The following CEP83 variants were observed in gnomAD, a reference collection of about 807,000 sequenced individuals.
CEP83 encodes the protein centrosomal protein 83.
In CEP83, 70 loss-of-function variants were observed where a neutral mutation model predicts 101.9. The observed-to-expected ratio is 0.69, with a 90% confidence interval of 0.57 to 0.84. The LOEUF (loss-of-function observed/expected upper bound fraction) is 0.84. CEP83 is among the 40% of genes least tolerant of loss of function. The pLI, the probability that CEP83 is intolerant of heterozygous loss-of-function variation, is 0.00. For synonymous variants in CEP83, 264 were observed against 267.9 expected, an observed-to-expected ratio of 0.99 and a Z score of 0.14; for missense variants, 715 against 787.2, an observed-to-expected ratio of 0.91 and a Z score of 1.10.
chr12:94,275,497 A>G, the CEP83 span, among the ~76,000 whole-genome samples: 101 of 152,302 alleles, frequency 6.6e-4, no homozygotes, highest in African/African-American at 2.4e-3. Context: ...GCACTTTCCC[A>G]GCCTGGGGGT....
chr12:94,302,677 G>T (rs1968582549), downstream of CEP83, among the ~76,000 whole-genome samples: 3 of 152,132 alleles, frequency 2.0e-5, no homozygotes, highest in Admixed American at 2.0e-4. Flanking sequence ...GTTCTGGGAG[G>T]TTACAAGTCT....
chr12:94,428,563 A>G (rs2065382002), intron 2 of CEP83, among the ~76,000 whole-genome samples: 1 of 152,238 alleles, frequency 6.6e-6, no homozygotes, highest in Non-Finnish European at 1.5e-5. Flanking sequence ...AGTTTAACTG[A>G]TATTTTACTG....
At chr12:94,441,482 C>T (rs1444119518) in intron 1 of CEP83, among the ~76,000 whole-genome samples, 2 of 152,204 alleles carry the variant, frequency 1.3e-5, no homozygotes, top group Admixed American at 6.5e-5. Flanking sequence ...CACCTTACTC[C>T]TGCAAGAATG....
chr12:94,284,063 A>T, the CEP83 span, among the ~76,000 whole-genome samples: 1 of 149,850 alleles, frequency 6.7e-6, no homozygotes. Context: ...AGCCTGTGCG[A>T]CAGAGCAAGA....
intron 7 of CEP83, among the ~76,000 whole-genome samples, chr12:94,376,745 A>AT (rs1321560351): frequency 1.0e-3 from 116 of 113,254 alleles, no homozygotes; most frequent in Admixed American, 2.5e-3. Context: ...ATATATATAT[A>AT]TATTTTTTTT....
At chr12:94,376,740 TA>T (rs757766381) in intron 7 of CEP83, among the ~76,000 whole-genome samples, 9,006 of 113,662 alleles carry the variant, frequency 0.079, 400 homozygotes, top group Admixed American at 0.13. Flanking sequence ...CACATATATA[TA>T]TATATATTTT....
the CEP83 span, among the ~76,000 whole-genome samples, chr12:94,271,842 T>G: frequency 6.6e-6 from 1 of 152,348 alleles, no homozygotes; most frequent in East Asian, 1.9e-4. Flanking sequence ...TGGTTGGTTA[T>G]TTATTGATGA....
chr12:94,447,422 T>C (rs946422150), intron 1 of CEP83, among the ~76,000 whole-genome samples: 1 of 152,108 alleles, frequency 6.6e-6, no homozygotes, highest in African/African-American at 2.4e-5. Context: ...GGAGGATTGC[T>C]TGAACTGGGT....
chr12:94,437,826 C>CA (rs770258386), intron 1 of CEP83, among the ~76,000 whole-genome samples: 3 of 151,716 alleles, frequency 2.0e-5, no homozygotes, highest in Non-Finnish European at 4.4e-5. Context: ...ACAATGCAAA[C>CA]AAAAAAAGGT....
At chr12:94,344,731 T>TA (rs2136670105) in intron 11 of CEP83, among the ~76,000 whole-genome samples, 1 of 152,276 alleles carries the variant, frequency 6.6e-6, no homozygotes, top group African/African-American at 2.4e-5. Flanking sequence ...TCAATATTGT[T>TA]AAGGTAACAA....
Position 94,309,911 on chromosome 12 carries a change from C to A in CEP83, c.2001+7G>T. On this transcript the variant is annotated splice_region_variant and intron_variant, in intron 16 of 16. Transcript: ENST00000397809. ...TTTTTTTTTCCCCCTAAAATAAATG[C>A]TCATACCTGCATATGAGGAGGAAAT... The A allele has an allele frequency of 1.3e-6, 2 of 1,523,188 alleles. No homozygotes were observed. Among genetic ancestry groups the A allele is most frequent in the Admixed American group, 2.0e-5 (1 of 50,506 alleles). 94.4% of individuals were successfully genotyped at this position (1,523,188 alleles called of 1,614,324 possible). A position where few individuals can be genotyped will look rare whatever the true frequency, so the allele number is the denominator to read the frequency against.
intron 4 of CEP83, among the ~76,000 whole-genome samples, chr12:94,405,908 C>G (rs1286131566): frequency 6.6e-6 from 1 of 152,130 alleles, no homozygotes; most frequent in Non-Finnish European, 1.5e-5. Context: ...TTGACTCATT[C>G]AGTAGAGTAC....
intron 2 of CEP83, among the ~76,000 whole-genome samples, chr12:94,425,814 T>C (rs1177539884): frequency 6.6e-6 from 1 of 152,126 alleles, no homozygotes; most frequent in African/African-American, 2.4e-5. Context: ...TTTTAATAGC[T>C]AATGTGTATA....
At chr12:94,317,844 A>T (rs1389909459) in intron 14 of CEP83, among the ~76,000 whole-genome samples, 1 of 152,158 alleles carries the variant, frequency 6.6e-6, no homozygotes, top group Non-Finnish European at 1.5e-5. Flanking sequence ...TAAGTCAGGT[A>T]GCATGATGAC....
At chr12:94,276,414 C>T in the CEP83 span, among the ~76,000 whole-genome samples, 1 of 150,784 alleles carries the variant, frequency 6.6e-6, no homozygotes, top group Admixed American at 6.6e-5. Flanking sequence ...TTGCTTACAG[C>T]CTGAGCTAAG....
At chr12:94,380,974 C>A (rs974944249) in intron 6 of CEP83, among the ~76,000 whole-genome samples, 1 of 152,166 alleles carries the variant, frequency 6.6e-6, no homozygotes, top group Non-Finnish European at 1.5e-5. Context: ...AACTCCTAAA[C>A]CAGACATATC....
chr12:94,413,046 G>T (rs2064008404), intron 2 of CEP83, among the ~76,000 whole-genome samples: 1 of 151,776 alleles, frequency 6.6e-6, no homozygotes, highest in Non-Finnish European at 1.5e-5. Context: ...TAGAGACAGG[G>T]TTTCACCATG....
In CEP83 at chr12:94,335,668, A is replaced by C. The variant is rs766543884; in HGVS notation, c.1344-4T>G. 6.4e-7 allele frequency: 1 copy of C among 1,563,982 alleles called. No homozygotes were observed. Among genetic ancestry groups the C allele is most frequent in the Non-Finnish European group, 8.7e-7 (1 of 1,148,694 alleles). On this transcript the variant is annotated splice_polypyrimidine_tract_variant and splice_region_variant and intron_variant, in intron 11 of 16. Coordinates refer to ENST00000397809, the MANE Select transcript of CEP83 (RefSeq NM_016122.3). ...AATTTGTTGCTGAAGTTTTAACCTAAAAATCACAACCCAACAAAAGGCATT... is the reference window on the plus strand; with the variant it reads ...AATTTGTTGCTGAAGTTTTAACCTACAAATCACAACCCAACAAAAGGCATT...
intron 4 of CEP83, 49 bp downstream of exon 4, chr12:94,411,648 G>C: frequency 7.0e-7 from 1 of 1,422,182 alleles, no homozygotes; most frequent in Admixed American, 2.0e-5. Flanking sequence ...CTTCCACTAC[G>C]TATCTGACTG....
Sources: gnomAD v4.1 joint callset for allele counts (sites outside exome capture counted in the v4.1 genomes callset) on GRCh38, gnomAD v4.1.1 for gene constraint, MANE v1.5 for transcripts, NCBI Gene and HGNC (gene_info 2026-07-23, HGNC 2026-07-21) for gene names.